EDN2: variants seen among roughly 807,000 people sequenced by gnomAD.
The protein encoded by EDN2 is endothelin 2, also known as endothelin-2.
EDN2 carries 10 observed loss-of-function variants against 19.9 expected under a neutral mutation model. The ratio of observed to expected loss-of-function variants is 0.50; its 90% confidence interval spans 0.31 to 0.85. EDN2 has a LOEUF of 0.85. Ranked by LOEUF, EDN2 falls within the 40% of genes least tolerant of loss-of-function variation. The probability of loss-of-function intolerance (pLI) is 0.05; values close to 1 mark genes in which losing one functional copy is unlikely to be tolerated. For missense variants in EDN2, 222 were observed against 239.3 expected, an observed-to-expected ratio of 0.93 and a Z score of 0.48; for synonymous variants, 84 against 94.9, an observed-to-expected ratio of 0.89 and a Z score of 0.67.
At chr1:41,484,301 C>T (rs11210278) in intron 1 of EDN2, 98 bp from the exon 2 acceptor site, 254,018 of 1,458,372 alleles carry the variant, frequency 0.17, 23,996 homozygotes, top group East Asian at 0.34. Context: ...CTTGCATAAT[C>T]GAGGGAGTTG....
At chr1:41,482,661 G>C in intron 2 of EDN2, 73 bp from the exon 3 acceptor site, 1 of 1,478,776 alleles carries the variant, frequency 6.8e-7, no homozygotes, top group Non-Finnish European at 8.9e-7. Context: ...AATAAAGAGA[G>C]AGAGGATTAA....
intron 3 of EDN2, 110 bp downstream of exon 3, chr1:41,482,356 A>G: frequency 7.5e-7 from 1 of 1,326,550 alleles, no homozygotes; most frequent in Non-Finnish European, 9.7e-7. Flanking sequence ...GTCGCTTCTC[A>G]CCCCCAACTT....
At chr1:41,479,720 A>T (rs1233029360) in intron 4 of EDN2, among the ~76,000 whole-genome samples, 1 of 152,232 alleles carries the variant, frequency 6.6e-6, no homozygotes, top group Non-Finnish European at 1.5e-5. Context: ...GGGCTTTGAC[A>T]GAGCTAAGGT....
Position 41,481,274 on chromosome 1 carries a change from C to G in EDN2, c.345-81G>C. 2.6e-6 allele frequency: 3 copies of G among 1,159,702 alleles called. No individual in the cohort carries two copies. In the Admixed American group the frequency reaches 6.1e-5, roughly 24 times the overall value. 71.8% of individuals were successfully genotyped at this position (1,159,702 alleles called of 1,614,324 possible). The stretch of plus-strand genomic sequence containing the variant: ...CTGGCTGCAGGCCCAGCCCAGCCCC[C>G]ACCCCTTCCCCATCCCCACCTGCCT... On this transcript the variant is annotated intron_variant, in intron 3 of 4. Transcript: ENST00000372587.
At chr1:41,483,319 C>T (rs1294016997) in intron 2 of EDN2, among the ~76,000 whole-genome samples, 2 of 152,230 alleles carry the variant, frequency 1.3e-5, no homozygotes, top group African/African-American at 4.8e-5. Context: ...AGGGTTCCCG[C>T]CCTAAGCAAG....
At chr1:41,484,339 C>G in intron 1 of EDN2, 136 bp from the exon 2 acceptor site, 1 of 1,335,512 alleles carries the variant, frequency 7.5e-7, no homozygotes, top group Non-Finnish European at 1.0e-6. Flanking sequence ...GAGCTCCAGG[C>G]CAGCCCAGGG....
intron 4 of EDN2, chr1:41,480,807 C>T (rs1317592908): frequency 1.7e-6 from 1 of 588,838 alleles, no homozygotes; most frequent in Admixed American, 2.2e-5. Context: ...TTCAGCACAG[C>T]CTGAACGAAC....
Position 41,481,111 on chromosome 1 carries a change from G to A in EDN2, c.427C>T (p.Leu143Phe). 1 of 1,614,008 alleles carries A rather than the reference G, an allele frequency of 6.2e-7. No homozygotes were observed. Among genetic ancestry groups the A allele is most frequent in the South Asian group, 1.1e-5 (1 of 91,082 alleles). The change falls in exon 4 of 5, where the codon CTT becomes TTT. Residue 143 changes from leucine to phenylalanine, a missense_variant. By Grantham distance (22) the Leu-to-Phe change is conservative (BLOSUM62 0). Coordinates refer to ENST00000372587, the MANE Select transcript of EDN2 (RefSeq NM_001956.5). ...CGCCCTCACCTCAGCCTTTGGAGAA[G>A]CTCTCCTGTAGTGGCCCCTGTCTTG... ...TGKTGATTGE[L>F]LQRLRDISTV...
At chr1:41,484,420 G>A (rs1236509210) in intron 1 of EDN2, 118 bp downstream of exon 1, 26 of 1,407,586 alleles carry the variant, frequency 1.8e-5, no homozygotes, top group Middle Eastern at 2.1e-4. Flanking sequence ...CACCACTGCC[G>A]CCAGGCTCCC....
rs961461034 is a variant in EDN2 at position 41,479,199 on chromosome 1, G to A, written c.*210C>T. ...GAGGCTGCTCCGCAGTCTGGAGGCC[G>A]AGGGCTTCCCTGGGCAGTGCGAGGA... On this transcript the variant is annotated 3_prime_UTR_variant, in exon 5 of 5. Transcript: ENST00000372587. 19 of 667,094 alleles carry A rather than the reference G, an allele frequency of 2.8e-5. No individual in the cohort carries two copies. The highest frequency in any genetic ancestry group is 4.2e-5 in the Non-Finnish European group (15 of 361,376). 41.3% of individuals were successfully genotyped at this position (667,094 alleles called of 1,614,324 possible). A position where few individuals can be genotyped will look rare whatever the true frequency, so the allele number is the denominator to read the frequency against.
rs756284557 is a variant in EDN2, at chr1:41,479,405, G to C, written c.*4C>G. On this transcript the variant is annotated 3_prime_UTR_variant, in exon 5 of 5. Coordinates refer to ENST00000372587, the MANE Select transcript of EDN2 (RefSeq NM_001956.5). ...CCTTCCCAATGTTCCTCCAGCTCACGACACTATCTCTTCCTCCACCTGGAA... is the reference window on the plus strand; with the variant it reads ...CCTTCCCAATGTTCCTCCAGCTCACCACACTATCTCTTCCTCCACCTGGAA... The C allele has an allele frequency of 8.7e-6, 14 of 1,612,612 alleles. No individual in the cohort carries two copies. In the African/African-American group the frequency reaches 1.3e-4, roughly 15 times the overall value.
chr1:41,480,933 C>G (rs1393846886), intron 4 of EDN2, 162 bp downstream of exon 4: 1 of 655,862 alleles, frequency 1.5e-6, no homozygotes, highest in Non-Finnish European at 2.8e-6. Context: ...CAGCCAGATG[C>G]CGCTGACTGC....
At chr1:41,481,609 G>A (rs1644248385) in intron 3 of EDN2, among the ~76,000 whole-genome samples, 1 of 150,882 alleles carries the variant, frequency 6.6e-6, no homozygotes, top group Non-Finnish European at 1.5e-5. Flanking sequence ...GCGCGATCTC[G>A]GCTCACTGCA....
At chr1:41,481,237 C>T (rs773295473) in intron 3 of EDN2, 44 bp from the exon 4 acceptor site, 1 of 1,558,430 alleles carries the variant, frequency 6.4e-7, no homozygotes, top group Non-Finnish European at 8.8e-7. Flanking sequence ...CTGCCCAGGG[C>T]CCTGAAGCTA....
intron 3 of EDN2, 125 bp downstream of exon 3, chr1:41,482,341 C>T (rs1644254776): frequency 1.7e-6 from 2 of 1,204,778 alleles, no homozygotes; most frequent in Non-Finnish European, 2.2e-6. Context: ...CCTGTGGGCC[C>T]CTGGGTCGCT....
At chr1:41,479,624 G>T in intron 4 of EDN2, 122 bp from the exon 5 acceptor site, 1 of 813,498 alleles carries the variant, frequency 1.2e-6, no homozygotes, top group South Asian at 1.7e-5. Flanking sequence ...CAGCGGCCCT[G>T]GGGTCAGACA....
Position 41,481,090 on chromosome 1 carries a change from C to T in EDN2, c.443+5G>A. The stretch of plus-strand genomic sequence containing the variant: ...TCAGTCTGTGCATGTGTCCCACGCC[C>T]TCACCTCAGCCTTTGGAGAAGCTCT... On this transcript the variant is annotated splice_donor_5th_base_variant and intron_variant, in intron 4 of 4. Coordinates refer to ENST00000372587, the MANE Select transcript of EDN2 (RefSeq NM_001956.5). 1 of 1,612,140 alleles carries T rather than the reference C, an allele frequency of 6.2e-7. No homozygotes were observed. Among genetic ancestry groups the T allele is most frequent in the Non-Finnish European group, 8.5e-7 (1 of 1,178,296 alleles).
rs141782070 is a variant in EDN2 at position 41,484,090 on chromosome 1, C to T, written c.178G>A (p.Val60Ile). The T allele has an allele frequency of 2.0e-4, 320 of 1,613,112 alleles. No individual in the cohort carries two copies. The African/African-American group carries it at 3.6e-3, about 18-fold the overall frequency. ...SCSSWLDKECVYFCHLDIIWV... is the reference protein window; with the variant it reads ...SCSSWLDKECIYFCHLDIIWV... ...ATGATGTCCAAGTGGCAGAAGTAGA[C>T]GCACTCCTTGTCGAGCCAGGAGCTG... The change falls in exon 2 of 5, where the codon GTC becomes ATC. Residue 60 changes from valine to isoleucine, a missense_variant. Val to Ile is a conservative substitution (Grantham distance 29, BLOSUM62 3). Coordinates refer to ENST00000372587, the MANE Select transcript of EDN2 (RefSeq NM_001956.5).
intron 2 of EDN2, 186 bp downstream of exon 2, chr1:41,483,861 C>T (rs1253057686): frequency 1.3e-5 from 8 of 619,406 alleles, no homozygotes; most frequent in Non-Finnish European, 2.2e-5. Context: ...AGAAGACAGC[C>T]CTCTCTATGG....
Sources: gnomAD v4.1 joint callset for allele counts (sites outside exome capture counted in the v4.1 genomes callset) on GRCh38, gnomAD v4.1.1 for gene constraint, MANE v1.5 for transcripts, NCBI Gene and HGNC (gene_info 2026-07-23, HGNC 2026-07-21) for gene names.